The following DCLK1 variants were observed in gnomAD, a reference collection of about 807,000 sequenced individuals.
The protein encoded by DCLK1 is serine/threonine-protein kinase DCLK1.
In DCLK1, 16 loss-of-function variants were observed where a neutral mutation model predicts 86.2. The observed-to-expected ratio is 0.19, with a 90% CI of 0.13 to 0.28. The LOEUF (loss-of-function observed/expected upper bound fraction) is 0.28. Among genes scored for constraint, DCLK1 ranks in the 10% least tolerant of loss-of-function variants. The pLI, the probability that DCLK1 is intolerant of heterozygous loss-of-function variation, is 1.00. For synonymous variants in DCLK1, 369 were observed against 370.5 expected, an observed-to-expected ratio of 1.00 and a Z score of 0.05; for missense variants, 590 against 940.2, an observed-to-expected ratio of 0.63 and a Z score of 4.87.
intron 15 of DCLK1, among the ~76,000 whole-genome samples, chr13:35,794,105 T>C (rs1411326637): frequency 6.6e-6 from 1 of 152,254 alleles, no homozygotes. Flanking sequence ...CTCTATTCTC[T>C]GCTGGAGCCA....
chr13:35,849,615 A>T, intron 6 of DCLK1: 1 of 978,956 alleles, frequency 1.0e-6, no homozygotes, highest in Non-Finnish European at 1.2e-6. Flanking sequence ...TAATTTTTAA[A>T]ATAGAGGACT....
At chr13:35,826,327 C>A (rs932925048) in intron 10 of DCLK1, among the ~76,000 whole-genome samples, 1 of 150,302 alleles carries the variant, frequency 6.7e-6, no homozygotes, top group African/African-American at 2.4e-5. Flanking sequence ...AGTTCGAGAC[C>A]AGCCTGACCA....
intron 10 of DCLK1, among the ~76,000 whole-genome samples, chr13:35,826,539 A>AGGAAGGAAGGAAGGAAGGAAGGAAGG (rs776444323): frequency 2.2e-5 from 1 of 45,248 alleles, no homozygotes; most frequent in African/African-American, 5.5e-5. Context: ...AAAAAAAAAA[A>AGGAAGGAAGGAAGGAAGGAAGGAAGG]AAAGAAAGAA....
chr13:35,986,714 AG>A (rs897405021), intron 3 of DCLK1, among the ~76,000 whole-genome samples: 158 of 152,134 alleles, frequency 1.0e-3, no homozygotes, highest in African/African-American at 3.7e-3. Flanking sequence ...AGGGCAGGGG[AG>A]GGGTTGGAGA....
chr13:35,928,141 C>A (rs1772287851), intron 4 of DCLK1, among the ~76,000 whole-genome samples: 1 of 152,144 alleles, frequency 6.6e-6, no homozygotes, highest in Non-Finnish European at 1.5e-5. Context: ...TGTGGGAATC[C>A]CTGAATTTGT....
intron 15 of DCLK1, among the ~76,000 whole-genome samples, chr13:35,800,319 C>A (rs2086893539): frequency 6.6e-6 from 1 of 152,168 alleles, no homozygotes; most frequent in South Asian, 2.1e-4. Context: ...AGAGGAGAAT[C>A]CTATTTTCTC....
At chr13:35,782,277 T>C (rs1038161309) in intron 16 of DCLK1, among the ~76,000 whole-genome samples, 1 of 152,114 alleles carries the variant, frequency 6.6e-6, no homozygotes, top group East Asian at 1.9e-4. Flanking sequence ...ACAGTTAAAA[T>C]TACAGCCAAT....
At chr13:35,974,440 G>A (rs1043363416) in intron 3 of DCLK1, among the ~76,000 whole-genome samples, 1 of 152,178 alleles carries the variant, frequency 6.6e-6, no homozygotes, top group East Asian at 1.9e-4. Flanking sequence ...ATATGATTTA[G>A]CTCTATGTCC....
intron 3 of DCLK1, among the ~76,000 whole-genome samples, chr13:36,004,374 G>A (rs180852342): frequency 1.3e-5 from 2 of 152,156 alleles, no homozygotes; most frequent in African/African-American, 4.8e-5. Context: ...ATCACTTACT[G>A]CAGAATCTCC....
chr13:36,070,934 C>T (rs1025228237), intron 3 of DCLK1, among the ~76,000 whole-genome samples: 1 of 152,096 alleles, frequency 6.6e-6, no homozygotes, highest in Non-Finnish European at 1.5e-5. Context: ...CGTGAGCCAC[C>T]GCGCCCGGCC....
At chr13:35,914,215 A>G (rs1339160071) in intron 4 of DCLK1, among the ~76,000 whole-genome samples, 1 of 151,092 alleles carries the variant, frequency 6.6e-6, no homozygotes, top group Non-Finnish European at 1.5e-5. Context: ...GCTACTCGAG[A>G]GGCTGAGGTG....
intron 3 of DCLK1, among the ~76,000 whole-genome samples, chr13:36,064,227 G>C (rs1883662573): frequency 6.6e-6 from 1 of 152,178 alleles, no homozygotes; most frequent in African/African-American, 2.4e-5. Context: ...CAAAGCTTTA[G>C]GCATCACTGA....
At chr13:35,920,241 C>T (rs1195822838) in intron 4 of DCLK1, among the ~76,000 whole-genome samples, 1 of 152,184 alleles carries the variant, frequency 6.6e-6, no homozygotes, top group African/African-American at 2.4e-5. Context: ...TCTGTCTCAC[C>T]TTCCACTCCA....
intron 3 of DCLK1, among the ~76,000 whole-genome samples, chr13:36,011,580 T>C (rs1157718444): frequency 6.6e-6 from 1 of 150,722 alleles, no homozygotes; most frequent in East Asian, 2.0e-4. Flanking sequence ...GATTGCACTG[T>C]GGTCTGAGAG....
chr13:36,090,753 G>A (rs549622993), intron 3 of DCLK1, among the ~76,000 whole-genome samples: 1 of 152,238 alleles, frequency 6.6e-6, no homozygotes, highest in Admixed American at 6.5e-5. Flanking sequence ...GGATACGGGG[G>A]CGAATGCTCT....
rs998138150 is a variant in DCLK1 at position 35,988,186 on chromosome 13, C to T, written c.724-40729G>A. ...CACTGTTCTCAGCGCTGGGATGCGT[C>T]GGCCCCCGCCGCACCCACTGCCAGG... is the stretch of plus-strand genomic sequence containing the variant. On this transcript the variant is annotated intron_variant, in intron 3 of 16. Coordinates refer to ENST00000360631, the MANE Select transcript of DCLK1 (RefSeq NM_001330071.2). 2.6e-5 allele frequency among the ~76,000 whole-genome samples: 4 copies of T among 152,252 alleles called. No individual in the cohort carries two copies. In the South Asian group the frequency reaches 8.3e-4, roughly 31 times the overall value.
At chr13:35,956,347 T>C (rs150333696) in intron 3 of DCLK1, among the ~76,000 whole-genome samples, 5 of 152,294 alleles carry the variant, frequency 3.3e-5, no homozygotes, top group African/African-American at 9.6e-5. Context: ...GAGGCAAACT[T>C]ATATTCTATT....
In DCLK1 at chr13:35,771,521, T is replaced by C. The variant is rs1428666962; in HGVS notation, c.*3014A>G. 2.0e-5 allele frequency: 3 copies of C among 152,190 alleles called. No homozygotes were observed. Among genetic ancestry groups the C allele is most frequent in the African/African-American group, 7.2e-5 (3 of 41,440 alleles). 9.4% of individuals were successfully genotyped at this position (152,190 alleles called of 1,614,324 possible). Reference sequence around the variant, plus strand: ...ACGAATAAAATGATTTCTGCTACAATGTTGAGAAAAAATGTGTTCATTAAT... The same window carrying C: ...ACGAATAAAATGATTTCTGCTACAACGTTGAGAAAAAATGTGTTCATTAAT... On this transcript the variant is annotated 3_prime_UTR_variant, in exon 17 of 17. Coordinates refer to ENST00000360631, the MANE Select transcript of DCLK1 (RefSeq NM_001330071.2).
intron 3 of DCLK1, among the ~76,000 whole-genome samples, chr13:36,065,421 A>C (rs1424687108): frequency 6.6e-6 from 1 of 152,228 alleles, no homozygotes; most frequent in Admixed American, 6.5e-5. Context: ...ATAATTCAGC[A>C]AGACAACTCT....
Sources: gnomAD v4.1 joint callset for allele counts (sites outside exome capture counted in the v4.1 genomes callset) on GRCh38, gnomAD v4.1.1 for gene constraint, MANE v1.5 for transcripts, NCBI Gene and HGNC (gene_info 2026-07-23, HGNC 2026-07-21) for gene names.